TRAF3IP1: variants seen among roughly 807,000 people sequenced by gnomAD.
TRAF3IP1 encodes the protein intraflagellar transport 54.
Under a neutral mutation model 89.9 loss-of-function variants are expected in TRAF3IP1, and 53 were observed. The observed-to-expected ratio is 0.59, with a 90% CI of 0.47 to 0.74. The LOEUF is 0.74. TRAF3IP1 is among the 30% of genes least tolerant of loss of function. TRAF3IP1 has a pLI of 0.00. For synonymous variants in TRAF3IP1, 311 were observed against 322.1 expected, an observed-to-expected ratio of 0.97 and a Z score of 0.37; for missense variants, 806 against 866.1, an observed-to-expected ratio of 0.93 and a Z score of 0.87.
At chr2:238,356,147 C>G in intron 15 of TRAF3IP1, 67 bp downstream of exon 15, 1 of 1,213,316 alleles carries the variant, frequency 8.2e-7, no homozygotes, top group Non-Finnish European at 1.2e-6. Context: ...CAGACTTTTA[C>G]AAGTTGGAGC....
At chr2:238,328,546 A>G in intron 3 of TRAF3IP1, 140 bp from the exon 4 acceptor site, 1 of 1,097,116 alleles carries the variant, frequency 9.1e-7, no homozygotes, top group South Asian at 1.8e-5. Context: ...TAACATGTTC[A>G]AAAAATATTT....
At chr2:238,365,996 A>G (rs1699858123) in intron 15 of TRAF3IP1, among the ~76,000 whole-genome samples, 1 of 152,202 alleles carries the variant, frequency 6.6e-6, no homozygotes, top group Non-Finnish European at 1.5e-5. Flanking sequence ...CTGTAATCCT[A>G]GCACTTTGGG....
chr2:238,351,875 G>A lies in TRAF3IP1; in HGVS notation c.1452-952G>A, dbSNP rs1020890987. 1.3e-5 allele frequency among the ~76,000 whole-genome samples: 2 copies of A among 151,108 alleles called. No individual in the cohort carries two copies. Among genetic ancestry groups the A allele is most frequent in the African/African-American group, 2.4e-5 (1 of 41,100 alleles). On this transcript the variant is annotated intron_variant, in intron 12 of 16. Transcript: ENST00000373327. The surrounding 1 kb of genome is among the most constrained non-coding windows in gnomAD (Gnocchi z 5.2). ...TGTGTGTGTGTGTGTGTGCGCGCGC[G>A]CGCGTGTGCGTGCATGTGCTTGTGT...
At chr2:238,378,226 T>C (rs927718599) in intron 15 of TRAF3IP1, among the ~76,000 whole-genome samples, 1 of 152,250 alleles carries the variant, frequency 6.6e-6, no homozygotes, top group African/African-American at 2.4e-5. Flanking sequence ...ATTTTTCTTT[T>C]TAAATTTATT....
chr2:238,372,363 G>C (rs548173106), intron 15 of TRAF3IP1, among the ~76,000 whole-genome samples: 1 of 152,030 alleles, frequency 6.6e-6, no homozygotes, highest in Non-Finnish European at 1.5e-5. Context: ...TCCCACTTAT[G>C]AGTGAGAACA....
intron 8 of TRAF3IP1, among the ~76,000 whole-genome samples, chr2:238,341,733 A>C (rs887998091): frequency 6.6e-6 from 1 of 152,158 alleles, no homozygotes; most frequent in African/African-American, 2.4e-5. Context: ...CTGTATGCAC[A>C]AGATCTCATT....
intron 15 of TRAF3IP1, among the ~76,000 whole-genome samples, chr2:238,374,292 TGA>T (rs1700225793): frequency 1.3e-5 from 2 of 152,216 alleles, no homozygotes; most frequent in African/African-American, 4.8e-5. Context: ...CTAATTATTT[TGA>T]GATACGTTCC....
At chr2:238,386,254 T>TA (rs1323719928) in intron 15 of TRAF3IP1, among the ~76,000 whole-genome samples, 1 of 152,158 alleles carries the variant, frequency 6.6e-6, no homozygotes, top group Non-Finnish European at 1.5e-5. Flanking sequence ...AAACTGGTCT[T>TA]AGAGTTACAG....
rs572835756 is a variant in TRAF3IP1 at position 238,326,849 on chromosome 2, C to G, written c.354+879C>G. ...TCAGGCCGACTCCTAGGAGGCCCCC[C>G]CAGTGCAGGTCCAGCATGCAAACTT... is the stretch of plus-strand genomic sequence containing the variant. On this transcript the variant is annotated intron_variant, in intron 3 of 16. Transcript: ENST00000373327. Among the ~76,000 whole-genome samples the G allele has an allele frequency of 5.0e-4, 76 of 152,264 alleles. No individual in the cohort carries two copies. The Middle Eastern group carries it at 0.01, about 20-fold the overall frequency.
intron 9 of TRAF3IP1, chr2:238,347,053 C>T (rs115158932): frequency 0.012 from 2,156 of 177,234 alleles, 13 homozygotes; most frequent in Non-Finnish European, 0.018. Flanking sequence ...GACTGTCTCC[C>T]AGTCTTTGGA....
chr2:238,369,389 C>T (rs1331138350), intron 15 of TRAF3IP1, among the ~76,000 whole-genome samples: 1 of 152,238 alleles, frequency 6.6e-6, no homozygotes, highest in Non-Finnish European at 1.5e-5. Context: ...CATGCGGGAG[C>T]TTTCTGGCTC....
chr2:238,364,835 A>G (rs891260227), intron 15 of TRAF3IP1, among the ~76,000 whole-genome samples: 3 of 152,190 alleles, frequency 2.0e-5, no homozygotes, highest in Non-Finnish European at 4.4e-5. Flanking sequence ...CGTCACGCCC[A>G]TATCTTGTCC....
At position 238,379,822 on chromosome 2, in the gene TRAF3IP1, T is replaced by C. The variant is rs1353559418; in HGVS notation, c.1690-17637T>C. On this transcript the variant is annotated intron_variant, in intron 15 of 16. Coordinates refer to ENST00000373327, the MANE Select transcript of TRAF3IP1 (RefSeq NM_015650.4). The surrounding 1 kb of genome is among the most constrained non-coding windows in gnomAD (Gnocchi z 4.0). ...GAATGATAAGGAAATACTGTAGCAA[T>C]AGGCTCAATAGAAAATGATTAATAT... Among the ~76,000 whole-genome samples, 2 of 152,182 alleles carry C rather than the reference T, an allele frequency of 1.3e-5. No individual in the cohort carries two copies. The highest frequency in any genetic ancestry group is 6.6e-5 in the Admixed American group (1 of 15,256).
Position 238,341,187 on chromosome 2 carries a change from A to AT in TRAF3IP1, c.1159+2746dup, listed in dbSNP as rs11323220. ...AGGCATGTGTCACCATGCCTAGCTA[A>AT]TTTTTTTTTTTTTTTTGTAGAGAGA... On this transcript the variant is annotated intron_variant, in intron 8 of 16. Transcript: ENST00000373327. 7.9e-3 allele frequency among the ~76,000 whole-genome samples: 1,104 copies of AT among 140,302 alleles called. 12 individuals are homozygous for AT. Among genetic ancestry groups the AT allele is most frequent in the African/African-American group, 0.024 (883 of 36,996 alleles). The allele number at this position is 140,302 out of a possible 152,430, so 92.0% of individuals were successfully genotyped here. A position where few individuals can be genotyped will look rare whatever the true frequency, so the allele number is the denominator to read the frequency against.
At chr2:238,346,886 G>A (rs1698919477) in intron 9 of TRAF3IP1, among the ~76,000 whole-genome samples, 1 of 152,208 alleles carries the variant, frequency 6.6e-6, no homozygotes, top group Non-Finnish European at 1.5e-5. Context: ...TACTTTGACC[G>A]TTTAGGTCAC....
At chr2:238,369,481 C>T (rs190823850) in intron 15 of TRAF3IP1, among the ~76,000 whole-genome samples, 2 of 152,204 alleles carry the variant, frequency 1.3e-5, no homozygotes, top group African/African-American at 2.4e-5. Context: ...ACAGTCTGTG[C>T]TCTTCCCTTG....
chr2:238,397,250 C>T (rs77424887), intron 15 of TRAF3IP1, among the ~76,000 whole-genome samples: 14 of 152,346 alleles, frequency 9.2e-5, no homozygotes, highest in African/African-American at 3.4e-4. Context: ...CCTGGCAGTG[C>T]TGTGTCCTCT....
rs188617431 is a variant in TRAF3IP1 at position 238,384,420 on chromosome 2, T to G, written c.1690-13039T>G. Among the ~76,000 whole-genome samples the G allele has an allele frequency of 3.5e-3, 534 of 152,010 alleles. 2 individuals carry two copies. Among genetic ancestry groups the G allele is most frequent in the Middle Eastern group, 0.017 (5 of 294 alleles). On this transcript the variant is annotated intron_variant, in intron 15 of 16. Transcript: ENST00000373327. ...TGGAGTCTTGCTCTGTTGGCCAGGC[T>G]GGGGTGCAGTGGTGTGATCTTGGCT...
chr2:238,333,859 T>C, intron 6 of TRAF3IP1, 101 bp from the exon 7 acceptor site: 1 of 983,366 alleles, frequency 1.0e-6, no homozygotes, highest in Non-Finnish European at 1.5e-6. Flanking sequence ...TTGCTGGATT[T>C]CATACTTGTT....
Sources: allele counts gnomAD v4.1 joint callset (sites outside exome capture counted in the v4.1 genomes callset), GRCh38; gene constraint gnomAD v4.1.1; non-coding constraint Gnocchi (gnomAD v3.1); transcripts MANE v1.5; gene names NCBI Gene and HGNC (gene_info 2026-07-23, HGNC 2026-07-21).